Variants in PTPRN2 observed in about 807,000 individuals in gnomAD.
The protein encoded by PTPRN2 is receptor-type tyrosine-protein phosphatase N2.
PTPRN2 carries 74 observed loss-of-function variants against 118.8 expected under a neutral mutation model. That is an observed-to-expected ratio of 0.62 (90% CI 0.52 to 0.76). The LOEUF (loss-of-function observed/expected upper bound fraction) is 0.76, where lower values mean the gene tolerates loss of function less well. Among genes scored for constraint, PTPRN2 ranks in the 30% least tolerant of loss-of-function variants. The pLI is 0.00. For missense variants in PTPRN2, 1,481 were observed against 1,394.4 expected, an observed-to-expected ratio of 1.06 and a Z score of -0.99; for synonymous variants, 641 against 608.0, an observed-to-expected ratio of 1.05 and a Z score of -0.80.
At chr7:157,838,268 C>T (rs1015658200) in intron 12 of PTPRN2, among the ~76,000 whole-genome samples, 3 of 148,970 alleles carry the variant, frequency 2.0e-5, no homozygotes, top group East Asian at 2.0e-4. Flanking sequence ...AGCTCCTCTC[C>T]GCCGTACCTA....
chr7:158,467,899 T>C (rs967240582), intron 2 of PTPRN2, among the ~76,000 whole-genome samples: 41 of 152,324 alleles, frequency 2.7e-4, no homozygotes, highest in African/African-American at 9.6e-4. Flanking sequence ...GTTGCGTTTG[T>C]TACACTGTGG....
intron 1 of PTPRN2, among the ~76,000 whole-genome samples, chr7:158,522,538 C>T (rs904617085): frequency 1.3e-5 from 2 of 151,472 alleles, no homozygotes; most frequent in Admixed American, 6.6e-5. Flanking sequence ...GGTGCATGTG[C>T]AGGGTGTGTT....
At chr7:157,789,925 T>C (rs898472777) in intron 12 of PTPRN2, among the ~76,000 whole-genome samples, 1 of 149,098 alleles carries the variant, frequency 6.7e-6, no homozygotes, top group African/African-American at 2.5e-5. Context: ...TGTGGTATGT[T>C]GTGTGTGTAT....
intron 11 of PTPRN2, among the ~76,000 whole-genome samples, chr7:158,061,788 T>C (rs1368788718): frequency 2.0e-5 from 3 of 152,218 alleles, no homozygotes; most frequent in Non-Finnish European, 4.4e-5. Context: ...AGCATCAAGA[T>C]GAAACATCAC....
intron 1 of PTPRN2, among the ~76,000 whole-genome samples, chr7:158,521,311 G>A (rs898056120): frequency 6.6e-6 from 1 of 152,214 alleles, no homozygotes; most frequent in African/African-American, 2.4e-5. Flanking sequence ...AGGACTGTGT[G>A]ATTCACCCGA....
chr7:158,095,960 G>T (rs1390403528), intron 10 of PTPRN2, among the ~76,000 whole-genome samples: 1 of 152,176 alleles, frequency 6.6e-6, no homozygotes, highest in East Asian at 1.9e-4. Flanking sequence ...TTCACTACCT[G>T]GTGTCCAGTA....
rs532072152 is a variant in PTPRN2, at chr7:157,819,101, C to T, written c.1788+79572G>A. Among the ~76,000 whole-genome samples, 10 of 152,304 alleles carry T rather than the reference C, an allele frequency of 6.6e-5. No individual in the cohort carries two copies. The South Asian group carries it at 2.1e-3, about 32-fold the overall frequency. On this transcript the variant is annotated intron_variant, in intron 12 of 22. Transcript: ENST00000389418. ...CCTGTGGACACCACTGGCCCCAGCC[C>T]CCCAAACACCTGCTGGGCCTGGGTC...
intron 2 of PTPRN2, among the ~76,000 whole-genome samples, chr7:158,338,229 T>G (rs1456977856): frequency 2.3e-4 from 13 of 57,344 alleles, no homozygotes; most frequent in Middle Eastern, 9.6e-3. Context: ...CTCACCATAA[T>G]AGCTGTCGTC....
intron 3 of PTPRN2, among the ~76,000 whole-genome samples, chr7:158,230,476 C>T (rs1174590611): frequency 6.6e-6 from 1 of 152,006 alleles, no homozygotes; most frequent in African/African-American, 2.4e-5. Context: ...AGGCAGCATA[C>T]AAATATGTAG....
At position 158,500,215 on chromosome 7, in the gene PTPRN2, C is replaced by A. The variant is rs1272648505; in HGVS notation, c.113-10430G>T. 2.0e-5 allele frequency among the ~76,000 whole-genome samples: 3 copies of A among 152,090 alleles called. No individual in the cohort carries two copies. In the East Asian group the frequency reaches 5.8e-4, roughly 29 times the overall value. ...TAGATCCAATTGTTACTACAGTTTC[C>A]CCTTTTAACCCTGATATTTGCTACA... On this transcript the variant is annotated intron_variant, in intron 1 of 22. Transcript: ENST00000389418.
chr7:157,551,029 G>A (rs568911122), intron 21 of PTPRN2, among the ~76,000 whole-genome samples: 13 of 152,258 alleles, frequency 8.5e-5, no homozygotes, highest in African/African-American at 2.9e-4. Context: ...CAAGGAAGCC[G>A]CTTCCTCTCC....
chr7:158,470,644 G>C (rs1733138), intron 2 of PTPRN2, among the ~76,000 whole-genome samples: 102,419 of 151,704 alleles, frequency 0.68, 34,942 homozygotes, highest in Admixed American at 0.77. Context: ...TACCCTTTCC[G>C]CCTTCTCTCT....
At chr7:157,963,532 G>A (rs758505429) in intron 11 of PTPRN2, among the ~76,000 whole-genome samples, 1 of 152,252 alleles carries the variant, frequency 6.6e-6, no homozygotes, top group Non-Finnish European at 1.5e-5. Flanking sequence ...TTGCTAACCA[G>A]CCCATCAGCT....
Position 157,987,523 on chromosome 7 carries a change from T to C in PTPRN2, c.1724-88786A>G, listed in dbSNP as rs1276026336. Reference sequence around the variant, plus strand: ...AGTCATTATCTCTTGCATAAGAGACTTCCCAGGGGCAGAGCAGACCCGGTG... The same window carrying C: ...AGTCATTATCTCTTGCATAAGAGACCTCCCAGGGGCAGAGCAGACCCGGTG... On this transcript the variant is annotated intron_variant, in intron 11 of 22. Coordinates refer to ENST00000389418, the MANE Select transcript of PTPRN2 (RefSeq NM_002847.5). The surrounding 1 kb of genome is among the most constrained non-coding windows in gnomAD (Gnocchi z 4.3). Among the ~76,000 whole-genome samples the C allele has an allele frequency of 3.3e-5, 5 of 152,138 alleles. No homozygotes were observed. Among genetic ancestry groups the C allele is most frequent in the Admixed American group, 2.0e-4 (3 of 15,270 alleles).
intron 1 of PTPRN2, among the ~76,000 whole-genome samples, chr7:158,528,980 G>A (rs1397504065): frequency 6.6e-6 from 1 of 152,190 alleles, no homozygotes; most frequent in African/African-American, 2.4e-5. Flanking sequence ...AGCCCTGTGA[G>A]GGAAACGTGT....
intron 15 of PTPRN2, among the ~76,000 whole-genome samples, chr7:157,614,407 C>T (rs1446114820): frequency 6.6e-6 from 1 of 152,138 alleles, no homozygotes; most frequent in African/African-American, 2.4e-5. Context: ...ACTAAAAGAA[C>T]AGCTTTATTA....
At chr7:158,576,965 C>A (rs1198088521) in intron 1 of PTPRN2, among the ~76,000 whole-genome samples, 1 of 111,394 alleles carries the variant, frequency 9.0e-6, no homozygotes, top group Non-Finnish European at 1.8e-5. Flanking sequence ...GGCTGCGCAC[C>A]CTGCCTGATG....
At chr7:157,858,040 C>T (rs1253051130) in intron 12 of PTPRN2, among the ~76,000 whole-genome samples, 4 of 149,640 alleles carry the variant, frequency 2.7e-5, no homozygotes, top group Admixed American at 2.0e-4. Context: ...TTCTCTGAGT[C>T]AGCCCCCCAG....
Position 158,470,571 on chromosome 7 carries a change from G to T in PTPRN2, c.163+19164C>A, listed in dbSNP as rs536600432. On this transcript the variant is annotated intron_variant, in intron 2 of 22. Transcript: ENST00000389418. Reference sequence around the variant, plus strand: ...ACAACAGGAGCAAAGGGTGGGGGTAGGAAGGTAGCGTTGCGTCACCCCGAC... The same window carrying T: ...ACAACAGGAGCAAAGGGTGGGGGTATGAAGGTAGCGTTGCGTCACCCCGAC... Among the ~76,000 whole-genome samples the T allele has an allele frequency of 2.6e-5, 4 of 152,306 alleles. No individual in the cohort carries two copies. In the South Asian group the frequency reaches 8.3e-4, roughly 32 times the overall value.
Sources: allele counts gnomAD v4.1 joint callset (sites outside exome capture counted in the v4.1 genomes callset), GRCh38; gene constraint gnomAD v4.1.1; non-coding constraint Gnocchi (gnomAD v3.1); transcripts MANE v1.5; gene names NCBI Gene and HGNC (gene_info 2026-07-23, HGNC 2026-07-21).